PAN3: variants seen among roughly 807,000 people sequenced by gnomAD.
PAN3 encodes the protein poly(A) specific ribonuclease subunit PAN3, also known as PAN2-PAN3 deadenylation complex subunit PAN3.
A neutral mutation model predicts 96.2 loss-of-function variants in PAN3; 19 were observed. The ratio of observed to expected loss-of-function variants is 0.20; its 90% CI spans 0.14 to 0.29. The LOEUF is 0.29. Among genes scored for constraint, PAN3 ranks in the 10% least tolerant of loss-of-function variants. The pLI, the probability that PAN3 is intolerant of heterozygous loss-of-function variation, is 1.00. For missense variants in PAN3, 882 were observed against 1,108.1 expected (o/e 0.80, Z 2.90); for synonymous variants, 433 against 406.6 (o/e 1.06, Z -0.78).
intron 5 of PAN3, among the ~76,000 whole-genome samples, chr13:28,219,860 A>G (rs1029931025): frequency 8.5e-5 from 13 of 152,260 alleles, no homozygotes; most frequent in African/African-American, 3.1e-4. Context: ...TTTGACCTTT[A>G]TCTTGGTAGA....
chr13:28,272,781 C>G (rs1886739476), intron 14 of PAN3, among the ~76,000 whole-genome samples: 1 of 152,110 alleles, frequency 6.6e-6, no homozygotes, highest in Non-Finnish European at 1.5e-5. Flanking sequence ...GTTGGTCAGG[C>G]TGGTCTTGAA....
At chr13:28,247,051 G>C (rs965012740) in intron 6 of PAN3, among the ~76,000 whole-genome samples, 11 of 151,920 alleles carry the variant, frequency 7.2e-5, no homozygotes, top group South Asian at 2.1e-4. Flanking sequence ...GCATACCAAT[G>C]TTCTCCTTTT....
chr13:28,195,475 C>T (rs1364415155), intron 4 of PAN3, among the ~76,000 whole-genome samples: 1 of 152,098 alleles, frequency 6.6e-6, no homozygotes, highest in Non-Finnish European at 1.5e-5. Flanking sequence ...AGTTACCTTT[C>T]TCAATGCAAG....
Position 28,267,369 on chromosome 13 carries a change from A to G in PAN3, c.1760A>G (p.Asn587Ser). The G allele has an allele frequency of 6.2e-7, 1 of 1,613,690 alleles. No homozygotes were observed. Among genetic ancestry groups the G allele is most frequent in the Non-Finnish European group, 8.5e-7 (1 of 1,179,678 alleles). Residue 587 changes from asparagine (N) to serine (S), a missense_variant, in exon 12 of 19, where the codon AAT becomes AGT. By Grantham distance (46) the Asn-to-Ser change is conservative. Around this residue, in one of 3 missense-constraint regions of PAN3, gnomAD observed 364 missense variants for 513.6 expected, o/e 0.71. Coordinates refer to ENST00000380958, the MANE Select transcript of PAN3 (RefSeq NM_175854.8). ...ATGAGCAGACACTTTAATGACCCTA[A>G]TGCTGATGCCTACTTCACCAAGAGA... ...TMMSRHFNDP[N>S]ADAYFTKRKW...
At chr13:28,175,354 C>T (rs2138105415) in intron 2 of PAN3, among the ~76,000 whole-genome samples, 1 of 152,312 alleles carries the variant, frequency 6.6e-6, no homozygotes, top group African/African-American at 2.4e-5. Context: ...AAGCAATACT[C>T]CTCTCTTGCC....
At chr13:28,241,806 A>G (rs759511685) in intron 6 of PAN3, among the ~76,000 whole-genome samples, 2 of 152,236 alleles carry the variant, frequency 1.3e-5, no homozygotes, top group Non-Finnish European at 2.9e-5. Context: ...TTATGATTAC[A>G]TAAGTTCCTT....
intron 5 of PAN3, among the ~76,000 whole-genome samples, chr13:28,207,651 C>T (rs367577027): frequency 3.3e-5 from 5 of 152,328 alleles, no homozygotes; most frequent in African/African-American, 4.8e-5. Context: ...TTCATACATA[C>T]GGTCTTATGG....
intron 1 of PAN3, among the ~76,000 whole-genome samples, chr13:28,162,867 T>TAA (rs879463993): frequency 2.9e-5 from 4 of 137,988 alleles, no homozygotes; most frequent in African/African-American, 5.3e-5. Context: ...CCACCAAGCT[T>TAA]AAAAAAAAAA....
intron 15 of PAN3, among the ~76,000 whole-genome samples, chr13:28,278,060 C>T (rs577116687): frequency 2.0e-4 from 30 of 152,266 alleles, no homozygotes; most frequent in African/African-American, 6.0e-4. Flanking sequence ...TGGGCAACCA[C>T]GACCTTTATT....
intron 18 of PAN3, among the ~76,000 whole-genome samples, chr13:28,289,038 G>A (rs1310500450): frequency 6.6e-6 from 1 of 151,894 alleles, no homozygotes. Context: ...ATGTTAGCCA[G>A]GATGGTCTCG....
In PAN3 at chr13:28,157,096, A is replaced by T. The variant is rs576508804; in HGVS notation, c.431-17176A>T. Among the ~76,000 whole-genome samples, 41 of 151,662 alleles carry T rather than the reference A, an allele frequency of 2.7e-4. No homozygotes were observed. In the South Asian group the frequency reaches 4.4e-3, roughly 16 times the overall value. On this transcript the variant is annotated intron_variant, in intron 1 of 18. Transcript: ENST00000380958. ...GGGCATACACAAATCAATAAATGTT[A>T]CCCGTCACATAAACAGAGCTAAAAA... is the stretch of plus-strand genomic sequence containing the variant.
At chr13:28,194,878 T>C (rs1048370609) in intron 4 of PAN3, among the ~76,000 whole-genome samples, 2 of 152,194 alleles carry the variant, frequency 1.3e-5, no homozygotes, top group Admixed American at 6.5e-5. Flanking sequence ...ATTCTTATAC[T>C]CTTTCCAAGG....
intron 13 of PAN3, among the ~76,000 whole-genome samples, chr13:28,271,142 A>G (rs1029650955): frequency 2.8e-4 from 42 of 152,302 alleles, no homozygotes; most frequent in Admixed American, 2.5e-3. Context: ...CAACTTTTCT[A>G]TGTAGCACCA....
chr13:28,158,145 A>G (rs529472729), intron 1 of PAN3, among the ~76,000 whole-genome samples: 1 of 152,330 alleles, frequency 6.6e-6, no homozygotes, highest in East Asian at 1.9e-4. Flanking sequence ...GGCTAGCCAT[A>G]TTCAAAAGAT....
At chr13:28,209,042 T>A (rs1047777388) in intron 5 of PAN3, among the ~76,000 whole-genome samples, 1 of 152,190 alleles carries the variant, frequency 6.6e-6, no homozygotes, top group African/African-American at 2.4e-5. Flanking sequence ...GCATATAACC[T>A]ATGTGCATCC....
In PAN3 at chr13:28,239,766, T is replaced by C. The variant is rs947885594; in HGVS notation, c.1001-16526T>C. ...AATTCCCCTAATCATAAGGGGTTGC[T>C]GTTGTGAAAACAGGGTTTGTGAAGG... On this transcript the variant is annotated intron_variant, in intron 6 of 18. Coordinates refer to ENST00000380958, the MANE Select transcript of PAN3 (RefSeq NM_175854.8). The C allele has an allele frequency of 6.4e-6, 6 of 930,450 alleles. No homozygotes were observed. In the Admixed American group the frequency reaches 1.4e-4, roughly 22 times the overall value. 57.6% of individuals were successfully genotyped at this position (930,450 alleles called of 1,614,324 possible).
chr13:28,281,402 A>G (rs1438951736), intron 17 of PAN3, 23 bp downstream of exon 17: 5 of 1,574,938 alleles, frequency 3.2e-6, no homozygotes, highest in Non-Finnish European at 4.3e-6. Context: ...AGTATTTTAC[A>G]ATATATTTTT....
At chr13:28,210,759 AAAAC>A (rs1879931972) in intron 5 of PAN3, among the ~76,000 whole-genome samples, 1 of 152,198 alleles carries the variant, frequency 6.6e-6, no homozygotes, top group Non-Finnish European at 1.5e-5. Flanking sequence ...AACAACAAAA[AAAAC>A]CTTATGTGAA....
At chr13:28,164,453 G>A (rs1472924022) in intron 1 of PAN3, among the ~76,000 whole-genome samples, 3 of 152,192 alleles carry the variant, frequency 2.0e-5, no homozygotes, top group African/African-American at 7.2e-5. Context: ...ATCCTTTAGC[G>A]TGAGCATCGC....
Sources: allele counts gnomAD v4.1 joint callset (sites outside exome capture counted in the v4.1 genomes callset), GRCh38; gene constraint gnomAD v4.1.1; regional missense constraint gnomAD v4.1.1; transcripts MANE v1.5; gene names NCBI Gene and HGNC (gene_info 2026-07-23, HGNC 2026-07-21).